The following TNXB variants were observed in gnomAD, a reference collection of about 807,000 sequenced individuals.
TNXB encodes tenascin XB.
In TNXB, 183 loss-of-function variants were observed where a neutral mutation model predicts 340.5. That is an observed-to-expected ratio of 0.54 (90% CI 0.48 to 0.61). The LOEUF (loss-of-function observed/expected upper bound fraction) is 0.61. Among genes scored for constraint, TNXB ranks in the 20% least tolerant of loss-of-function variants. The pLI, the probability that TNXB is intolerant of heterozygous loss-of-function variation, is 0.00. For missense variants in TNXB, 4,613 were observed against 5,446.4 expected, an observed-to-expected ratio of 0.85 and a Z score of 4.82; for synonymous variants, 2,121 against 2,314.5, an observed-to-expected ratio of 0.92 and a Z score of 2.40.
At position 32,058,224 on chromosome 6, in the gene TNXB, G is replaced by T. The variant is rs746637415; in HGVS notation, c.7659C>A (p.Thr2553=). 3 of 1,612,472 alleles carry T rather than the reference G, an allele frequency of 1.9e-6. No homozygotes were observed. The highest frequency in any genetic ancestry group is 1.7e-6 in the Non-Finnish European group (2 of 1,179,848). ...GCCCGTCCCTGTCCTTGTACTGCAC[G>T]GTGAAGGAGTCAAAGCGGCCCTGGG... ...TVPQGRFDSF[T]VQYKDRDGRP... Residue 2553 remains threonine (T), a synonymous_variant, in exon 22 of 44, where the codon ACC becomes ACA. Transcript: ENST00000644971. This position sits in a 1 kb window ranked among gnomAD's most constrained non-coding sequence, Gnocchi z 5.1.
rs1777423238 is a variant in TNXB, at chr6:32,053,478, C to T, written c.8701G>A (p.Gly2901Ser). The T allele has an allele frequency of 1.2e-6, 2 of 1,613,434 alleles. No homozygotes were observed. Among genetic ancestry groups the T allele is most frequent in the Non-Finnish European group, 1.7e-6 (2 of 1,179,882 alleles). ...PGHEDGVTISGLEPDHKYKMN... is the reference protein window; with the variant it reads ...PGHEDGVTISSLEPDHKYKMN... ...TTGTACTTGTGGTCTGGCTCCAGGC[C>T]TGAGATGGTGACCCCGTCCTCGTGC... is the stretch of plus-strand genomic sequence containing the variant. The change falls in exon 25 of 44, where the codon GGC becomes AGC. Residue 2901 changes from glycine (G) to serine (S), a missense_variant. This residue lies in a region of TNXB where 4,327 missense variants were observed against 4,859.4 expected (regional missense o/e 0.89). Coordinates refer to ENST00000644971, the MANE Select transcript of TNXB (RefSeq NM_001365276.2).
chr6:32,106,591 A>G (rs1780992150), intron 1 of TNXB, among the ~76,000 whole-genome samples: 2 of 152,214 alleles, frequency 1.3e-5, no homozygotes, highest in African/African-American at 4.8e-5. Context: ...GCTACCAGCC[A>G]TCACATTCTG....
chr6:32,053,361 A>G, intron 25 of TNXB, 27 bp downstream of exon 25: 1 of 1,604,840 alleles, frequency 6.2e-7, no homozygotes, highest in Non-Finnish European at 8.5e-7. Flanking sequence ...CACAGGCCCC[A>G]CTCTGGGGCT....
At chr6:32,050,405 C>T in intron 26 of TNXB, 84 bp from the exon 27 acceptor site, 1 of 1,535,088 alleles carries the variant, frequency 6.5e-7, no homozygotes, top group South Asian at 1.2e-5. Flanking sequence ...ACAAAGTGCC[C>T]AAGAACAGGA....
rs1475123045 is a variant in TNXB at position 32,075,325 on chromosome 6, T to C, written c.4376-1373A>G. ...CCTCTGAGGTCCCATATTCATCTCT[T>C]AGATCATTCCCTATTGCCTGCCCTC... On this transcript the variant is annotated intron_variant, in intron 11 of 43. Transcript: ENST00000644971. The surrounding 1 kb of genome is among the most constrained non-coding windows in gnomAD (Gnocchi z 4.6). 2.0e-5 allele frequency among the ~76,000 whole-genome samples: 3 copies of C among 152,212 alleles called. No homozygotes were observed. In the East Asian group the frequency reaches 5.8e-4, roughly 29 times the overall value.
In TNXB at chr6:32,072,163, G is replaced by T; in HGVS notation, c.4817C>A (p.Ser1606Tyr). 2 of 1,613,588 alleles carry T rather than the reference G, an allele frequency of 1.2e-6. No homozygotes were observed. Among genetic ancestry groups the T allele is most frequent in the South Asian group, 1.1e-5 (1 of 90,994 alleles). Residue 1606 changes from serine (S) to tyrosine (Y), a missense_variant, in exon 13 of 44, where the codon TCC becomes TAC. This residue lies in a region of TNXB where 4,327 missense variants were observed against 4,859.4 expected (regional missense o/e 0.89). Transcript: ENST00000644971. The surrounding 1 kb of genome is among the most constrained non-coding windows in gnomAD (Gnocchi z 4.4). ...SWTVPEGEFD[S>Y]FVVQYKDRDG... ...CCTGTCCTTGTACTGAACCACAAAG[G>T]AGTCGAATTCACCCTCAGGGACTGT...
rs1406067015 is a variant in TNXB, at chr6:32,083,596, CTTCG to C, written c.3445+813_3445+816del. The stretch of plus-strand genomic sequence containing the variant: ...GGGCTGCCTGGTACACCTTGCTTTC[CTTCG>C]CCTCCCCCATCCAGCCCCACTGCCA... On this transcript the variant is annotated intron_variant, in intron 8 of 43. Coordinates refer to ENST00000644971, the MANE Select transcript of TNXB (RefSeq NM_001365276.2). This position sits in a 1 kb window ranked among gnomAD's most constrained non-coding sequence, Gnocchi z 4.6. 4.6e-5 allele frequency among the ~76,000 whole-genome samples: 7 copies of C among 152,168 alleles called. No individual in the cohort carries two copies. The highest frequency in any genetic ancestry group is 1.7e-4 in the African/African-American group (7 of 41,420).
At chr6:32,053,242 T>C in intron 25 of TNXB, 146 bp downstream of exon 25, 1 of 1,335,640 alleles carries the variant, frequency 7.5e-7, no homozygotes, top group Non-Finnish European at 1.0e-6. Context: ...CAGGAAGATC[T>C]GTCAGTCCTC....
intron 3 of TNXB, among the ~76,000 whole-genome samples, chr6:32,095,406 G>A (rs1445869964): frequency 6.6e-6 from 1 of 151,936 alleles, no homozygotes; most frequent in African/African-American, 2.4e-5. Context: ...GCAACTAAAT[G>A]GGCCCCAACC....
rs1779417834 is a variant in TNXB at position 32,081,393 on chromosome 6, C to T, written c.4017G>A (p.Gly1339=). The T allele has an allele frequency of 6.5e-7, 1 of 1,543,758 alleles. No individual in the cohort carries two copies. The highest frequency in any genetic ancestry group is 1.4e-5 in the African/African-American group (1 of 73,060). ...LYGLRGRQRV[G]PESVVAKTAP... The stretch of plus-strand genomic sequence containing the variant: ...CAGTCTTGGCCACCACAGACTCGGG[C>T]CCCACACGCTGCCTGCCACGAAGCC... Residue 1339 remains glycine, a synonymous_variant, in exon 10 of 44, where the codon GGG becomes GGA. Transcript: ENST00000644971. The surrounding 1 kb of genome is among the most constrained non-coding windows in gnomAD (Gnocchi z 5.1).
chr6:32,078,173 G>A (rs963052583), intron 11 of TNXB, among the ~76,000 whole-genome samples: 15 of 152,110 alleles, frequency 9.9e-5, no homozygotes, highest in East Asian at 7.7e-4. Flanking sequence ...GTGGTCAGGC[G>A]TGGTGGCTCA....
chr6:32,050,008 A>G lies in TNXB; in HGVS notation c.9429T>C (p.Ile3143=), dbSNP rs1475910823. The G allele has an allele frequency of 4.3e-6, 7 of 1,613,662 alleles. No homozygotes were observed. Among genetic ancestry groups the G allele is most frequent in the Non-Finnish European group, 5.9e-6 (7 of 1,179,780 alleles). ...GGQRVGPVSA[I]GVTEEETPSP... ...CCATCATTCACTCACCCGTCACCCCAATGGCAGACACAGGGCCTACGCGCT... is the reference window on the plus strand; with the variant it reads ...CCATCATTCACTCACCCGTCACCCCGATGGCAGACACAGGGCCTACGCGCT... Residue 3143 remains isoleucine (I), a synonymous_variant, in exon 27 of 44, where the codon ATT becomes ATC. Coordinates refer to ENST00000644971, the MANE Select transcript of TNXB (RefSeq NM_001365276.2).
chr6:32,043,806 C>G lies in TNXB; in HGVS notation c.11473G>C (p.Val3825Leu), dbSNP rs550641852. Residue 3825 changes from valine to leucine, a missense_variant, in exon 35 of 44, where the codon GTG becomes CTG. This residue lies in a region of TNXB where 114 missense variants were observed against 104.5 expected (regional missense o/e 1.09). Coordinates refer to ENST00000644971, the MANE Select transcript of TNXB (RefSeq NM_001365276.2). ...LIPGARYEVT[V>L]VSVRGFEESE... ...TCCTCAAAGCCTCGGACCGAGACCA[C>G]GGTCACCTCATAGCGAGCGCCTGGG... 1 of 1,613,546 alleles carries G rather than the reference C, an allele frequency of 6.2e-7. No individual in the cohort carries two copies.
At position 32,065,025 on chromosome 6, in the gene TNXB, A is replaced by G. The variant is rs1778256373; in HGVS notation, c.6637T>C (p.Ser2213Pro). 6.2e-7 allele frequency: 1 copy of G among 1,610,138 alleles called. No homozygotes were observed. ...RDITSDSLSL[S>P]WTVPEGQFDH... ...AACTGGCCCTCGGGGACTGTCCAGGAGAGGCTGAGGGAGTCGGAGGTGATG... is the reference window on the plus strand; with the variant it reads ...AACTGGCCCTCGGGGACTGTCCAGGGGAGGCTGAGGGAGTCGGAGGTGATG... The change falls in exon 19 of 44, where the codon TCC becomes CCC. Residue 2213 changes from serine (S) to proline (P), a missense_variant. Ser to Pro is a moderately conservative substitution (Grantham distance 74). This residue lies in a region of TNXB where 4,327 missense variants were observed against 4,859.4 expected (regional missense o/e 0.89). Coordinates refer to ENST00000644971, the MANE Select transcript of TNXB (RefSeq NM_001365276.2).
chr6:32,107,494 A>G (rs1466601387), intron 1 of TNXB, among the ~76,000 whole-genome samples: 1 of 151,958 alleles, frequency 6.6e-6, no homozygotes, highest in African/African-American at 2.4e-5. Flanking sequence ...CAAGCAAAGA[A>G]TTGGGTGTCT....
At position 32,049,306 on chromosome 6, in the gene TNXB, G is replaced by A; in HGVS notation, c.9721C>T (p.Gln3241Ter). ...KMHLYGLHEG[Q>*]RVGPVSTVGI... ...ACGGTGGACACTGGGCCCACGCGCT[G>A]CCCCTCGTGGAGGCCGTACAGATGC... The change falls in exon 28 of 44, where the codon CAG becomes TAG. Residue 3241 changes from glutamine (Q) to a stop codon, truncating the protein, a stop_gained. Coordinates refer to ENST00000644971, the MANE Select transcript of TNXB (RefSeq NM_001365276.2). LOFTEE classifies it high-confidence loss of function. This position sits in a 1 kb window ranked among gnomAD's most constrained non-coding sequence, Gnocchi z 4.5. 6.2e-7 allele frequency: 1 copy of A among 1,612,166 alleles called. No individual in the cohort carries two copies. The highest frequency in any genetic ancestry group is 8.5e-7 in the Non-Finnish European group (1 of 1,179,702).
Position 32,051,055 on chromosome 6 carries a change from C to G in TNXB, c.9116-734G>C, listed in dbSNP as rs1777258636. Reference sequence around the variant, plus strand: ...TATTCACTGCAAAGGACACCCCACTCAATCCTCAGTACTTCTCACACACCA... The same window carrying G: ...TATTCACTGCAAAGGACACCCCACTGAATCCTCAGTACTTCTCACACACCA... On this transcript the variant is annotated intron_variant, in intron 26 of 43. Transcript: ENST00000644971. The surrounding 1 kb of genome is among the most constrained non-coding windows in gnomAD (Gnocchi z 4.7). Among the ~76,000 whole-genome samples the G allele has an allele frequency of 6.6e-6, 1 of 152,224 alleles. No homozygotes were observed. The highest frequency in any genetic ancestry group is 1.5e-5 in the Non-Finnish European group (1 of 68,044).
Position 32,055,940 on chromosome 6 carries a change from C to G in TNXB, c.8378G>C (p.Gly2793Ala), listed in dbSNP as rs760307586. 10 of 1,613,380 alleles carry G rather than the reference C, an allele frequency of 6.2e-6. No individual in the cohort carries two copies. In the South Asian group the frequency reaches 6.6e-5, roughly 11 times the overall value. Reference protein sequence around the residue: ...RGEESEVTVGGLEPGRKYKMH... With the variant: ...RGEESEVTVGALEPGRKYKMH... ...CTTGTATTTGCGCCCGGGCTCCAGG[C>G]CCCCCACGGTGACCTCGCTCTCCTC... The change falls in exon 24 of 44, where the codon GGC (glycine) becomes GCC (alanine). Residue 2793 changes from glycine to alanine, a missense_variant. Physicochemically the swap from Gly to Ala is moderately conservative, Grantham distance 60. This residue lies in a region of TNXB where 4,327 missense variants were observed against 4,859.4 expected (regional missense o/e 0.89). Coordinates refer to ENST00000644971, the MANE Select transcript of TNXB (RefSeq NM_001365276.2).
At position 32,096,321 on chromosome 6, in the gene TNXB, C is replaced by T. The variant is rs204896; in HGVS notation, c.1532G>A (p.Arg511His). 0.11 allele frequency: 175,207 copies of T among 1,548,246 alleles called. 13,959 individuals carry two copies. Among genetic ancestry groups the T allele is most frequent in the South Asian group, 0.33 (27,774 of 84,782 alleles). ...GGTGAAGCCCGGGTTGCACACGCAG[C>T]GGCCATCCACGCAGCGCCCGCGCCC... is the stretch of plus-strand genomic sequence containing the variant. ...CRGRGRCVDG[R>H]CVCNPGFTGE... Residue 511 changes from arginine (R) to histidine (H), a missense_variant, in exon 3 of 44, where the codon CGC becomes CAC. By Grantham distance (29) the Arg-to-His change is conservative. Around this residue, in one of 7 missense-constraint regions of TNXB, gnomAD observed 4,327 missense variants for 4,859.4 expected, o/e 0.89. Transcript: ENST00000644971.
Sources: allele counts gnomAD v4.1 joint callset (sites outside exome capture counted in the v4.1 genomes callset), GRCh38; gene constraint gnomAD v4.1.1; regional missense constraint gnomAD v4.1.1; non-coding constraint Gnocchi (gnomAD v3.1); transcripts MANE v1.5; gene names NCBI Gene and HGNC (gene_info 2026-07-23, HGNC 2026-07-21).